The following SLC13A3 variants were observed in gnomAD, a reference collection of about 807,000 sequenced individuals.
SLC13A3 encodes the protein solute carrier family 13 member 3, also known as Na(+)/dicarboxylate cotransporter 3.
SLC13A3 carries 40 observed loss-of-function variants against 59.0 expected under a neutral mutation model. That is an observed-to-expected ratio of 0.68 (90% CI 0.53 to 0.88). The LOEUF is 0.88. Ranked by LOEUF, SLC13A3 falls within the 40% of genes least tolerant of loss-of-function variation. The probability of loss-of-function intolerance (pLI) is 0.00; values close to 1 mark genes in which losing one functional copy is unlikely to be tolerated. For missense variants in SLC13A3, 699 were observed against 783.2 expected, an observed-to-expected ratio of 0.89 and a Z score of 1.28; for synonymous variants, 317 against 330.3, an observed-to-expected ratio of 0.96 and a Z score of 0.44.
upstream of SLC13A3, among the ~76,000 whole-genome samples, chr20:46,655,858 T>C (rs1373381734): frequency 7.3e-6 from 1 of 137,254 alleles, no homozygotes; most frequent in East Asian, 2.0e-4. Flanking sequence ...GTATATAATA[T>C]ATATACTGTA....
chr20:46,599,064 C>A (rs1387447204), intron 4 of SLC13A3, among the ~76,000 whole-genome samples: 1 of 152,246 alleles, frequency 6.6e-6, no homozygotes, highest in Non-Finnish European at 1.5e-5. Context: ...TCGCCTCCCC[C>A]ACCCTTTTCC....
intron 1 of SLC13A3, among the ~76,000 whole-genome samples, chr20:46,635,082 A>C (rs1429452874): frequency 2.0e-5 from 3 of 152,206 alleles, no homozygotes; most frequent in Non-Finnish European, 4.4e-5. Context: ...CCAGGGGACC[A>C]AGGATCAGTC....
In SLC13A3 at chr20:46,651,453, C is replaced by A; in HGVS notation, c.-32G>T. 7.3e-7 allele frequency: 1 copy of A among 1,363,894 alleles called. No individual in the cohort carries two copies. Among genetic ancestry groups the A allele is most frequent in the Admixed American group, 3.6e-5 (1 of 27,924 alleles). The allele number at this position is 1,363,894 out of a possible 1,614,324, so 84.5% of individuals were successfully genotyped here. A position where few individuals can be genotyped will look rare whatever the true frequency, so the allele number is the denominator to read the frequency against. The stretch of plus-strand genomic sequence containing the variant: ...GATCGCCTGGCGGTACGGGCCGGCC[C>A]GGGACTGCCCCGCCTGGCCCCGGCG... On this transcript the variant is annotated 5_prime_UTR_variant, in exon 1 of 13. Coordinates refer to ENST00000279027, the MANE Select transcript of SLC13A3 (RefSeq NM_022829.6).
chr20:46,669,455 C>T (rs1480208274), intron 1 of SLC13A3, among the ~76,000 whole-genome samples: 1 of 152,172 alleles, frequency 6.6e-6, no homozygotes, highest in Non-Finnish European at 1.5e-5. Flanking sequence ...GTGTGATTAC[C>T]TTCATTACAG....
chr20:46,634,712 T>C (rs2062779036), intron 1 of SLC13A3, among the ~76,000 whole-genome samples: 1 of 152,188 alleles, frequency 6.6e-6, no homozygotes, highest in Non-Finnish European at 1.5e-5. Context: ...GGGTGTGCCC[T>C]GGATGCAGGA....
chr20:46,644,907 T>G (rs545932954), intron 1 of SLC13A3, among the ~76,000 whole-genome samples: 1 of 152,228 alleles, frequency 6.6e-6, no homozygotes, highest in African/African-American at 2.4e-5. Flanking sequence ...GGTTTTGCCA[T>G]GTATTCATCT....
chr20:46,622,621 CGTGTGTGTGTGTGTGTGT>C lies in SLC13A3; in HGVS notation c.112-8914_112-8897del, dbSNP rs11469544. On this transcript the variant is annotated intron_variant, in intron 1 of 12. Coordinates refer to ENST00000279027, the MANE Select transcript of SLC13A3 (RefSeq NM_022829.6). ...AACAGGAATTGGTGTGTGGTGTGTGCGTGTGTGTGTGTGTGTGTGTGTGTGTGTGTGTGTGTGTGTGTG... is the reference window on the plus strand; with the variant it reads ...AACAGGAATTGGTGTGTGGTGTGTGCGTGTGTGTGTGTGTGTGTGTGTGTG... Among the ~76,000 whole-genome samples, 281 of 134,162 alleles carry C rather than the reference CGTGTGTGTGTGTGTGTGT, an allele frequency of 2.1e-3. 1 individual carries two copies. In the East Asian group the frequency reaches 0.026, roughly 12 times the overall value. The allele number at this position is 134,162 out of a possible 152,430, so 88.0% of individuals were successfully genotyped here. A position where few individuals can be genotyped will look rare whatever the true frequency, so the allele number is the denominator to read the frequency against.
intron 3 of SLC13A3, among the ~76,000 whole-genome samples, chr20:46,603,281 C>T (rs1021486422): frequency 6.6e-6 from 1 of 152,156 alleles, no homozygotes; most frequent in African/African-American, 2.4e-5. Flanking sequence ...GCCATGAGGT[C>T]TCTGTCATAA....
chr20:46,630,136 C>A (rs558027838), intron 1 of SLC13A3, among the ~76,000 whole-genome samples: 2 of 152,194 alleles, frequency 1.3e-5, no homozygotes, highest in Admixed American at 6.5e-5. Flanking sequence ...CAAGGGGGAG[C>A]CCCTTACTCA....
intron 4 of SLC13A3, among the ~76,000 whole-genome samples, chr20:46,599,363 T>A (rs559351543): frequency 6.6e-6 from 1 of 152,374 alleles, no homozygotes; most frequent in Non-Finnish European, 1.5e-5. Context: ...TAATAACAAG[T>A]GCTAACATCT....
chr20:46,583,945 G>C, intron 8 of SLC13A3: 1 of 985,374 alleles, frequency 1.0e-6, no homozygotes, highest in Non-Finnish European at 1.2e-6. Flanking sequence ...TGACCAAAGA[G>C]GGGAGAATCC....
intron 2 of SLC13A3, 132 bp from the exon 3 acceptor site, chr20:46,610,741 C>G: frequency 1.4e-6 from 1 of 715,322 alleles, no homozygotes; most frequent in Admixed American, 3.0e-5. Context: ...AAAGCAGAAA[C>G]CAAATCCACT....
upstream of SLC13A3, among the ~76,000 whole-genome samples, chr20:46,653,403 T>C (rs2062965533): frequency 6.6e-6 from 1 of 152,190 alleles, no homozygotes; most frequent in South Asian, 2.1e-4. Context: ...GGTTCTTAGT[T>C]TCTGTTTCTG....
chr20:46,563,688 G>A, intron 11 of SLC13A3, 137 bp from the exon 12 acceptor site: 1 of 907,272 alleles, frequency 1.1e-6, no homozygotes, highest in Non-Finnish European at 1.6e-6. Flanking sequence ...GACATCCATA[G>A]AGATTGGCAG....
At chr20:46,639,389 G>T (rs1292946794) in intron 1 of SLC13A3, among the ~76,000 whole-genome samples, 1 of 152,148 alleles carries the variant, frequency 6.6e-6, no homozygotes, top group Non-Finnish European at 1.5e-5. Flanking sequence ...AACCTGGGAG[G>T]CGGAGGTTGC....
At chr20:46,578,808 C>T (rs2062104327) in intron 9 of SLC13A3, among the ~76,000 whole-genome samples, 1 of 149,926 alleles carries the variant, frequency 6.7e-6, no homozygotes, top group East Asian at 2.0e-4. Flanking sequence ...CAGGAGGTGG[C>T]ATTTGGACAG....
At chr20:46,670,520 T>G (rs1401725347), upstream of SLC13A3, among the ~76,000 whole-genome samples, 1 of 152,170 alleles carries the variant, frequency 6.6e-6, no homozygotes, top group African/African-American at 2.4e-5. Context: ...ACTTGCACAT[T>G]AGGGCTTGTC....
intron 3 of SLC13A3, among the ~76,000 whole-genome samples, chr20:46,603,594 C>T (rs1290888922): frequency 1.3e-5 from 2 of 149,918 alleles, no homozygotes; most frequent in African/African-American, 4.9e-5. Flanking sequence ...TGCTATGTTG[C>T]CCAGGCTGGT....
intron 9 of SLC13A3, among the ~76,000 whole-genome samples, chr20:46,581,189 T>G (rs1479843708): frequency 6.6e-6 from 1 of 152,094 alleles, no homozygotes; most frequent in Non-Finnish European, 1.5e-5. Context: ...AGCCCCAATT[T>G]GGGGGCTCGC....
Sources: allele counts gnomAD v4.1 joint callset (sites outside exome capture counted in the v4.1 genomes callset), GRCh38; gene constraint gnomAD v4.1.1; transcripts MANE v1.5; gene names NCBI Gene and HGNC (gene_info 2026-07-23, HGNC 2026-07-21).